The following PGM5 variants were observed in gnomAD, a reference collection of about 807,000 sequenced individuals.
PGM5 encodes phosphoglucomutase-like protein 5.
Under a neutral mutation model 59.2 loss-of-function variants are expected in PGM5, and 23 were observed. The observed-to-expected ratio is 0.39, with a 90% CI of 0.28 to 0.55. The LOEUF (loss-of-function observed/expected upper bound fraction) is 0.55. PGM5 is among the 20% of genes least tolerant of loss of function. The pLI, the probability that PGM5 is intolerant of heterozygous loss-of-function variation, is 0.66. For synonymous variants in PGM5, 214 were observed against 286.0 expected, an observed-to-expected ratio of 0.75 and a Z score of 2.54; for missense variants, 574 against 748.3, an observed-to-expected ratio of 0.77 and a Z score of 2.72.
At chr9:68,529,518 A>T in intron 10 of PGM5, 49 bp from the exon 11 acceptor site, 1 of 1,363,098 alleles carries the variant, frequency 7.3e-7, no homozygotes, top group Non-Finnish European at 1.0e-6. Flanking sequence ...GAATGCCCCA[A>T]AATGTAACTG....
chr9:68,436,097 A>C (rs1303393039), intron 6 of PGM5, among the ~76,000 whole-genome samples: 1 of 152,122 alleles, frequency 6.6e-6, no homozygotes, highest in Non-Finnish European at 1.5e-5. Flanking sequence ...TAACCCGGAG[A>C]CCCACCTGCC....
chr9:68,512,745 T>A (rs140367432), intron 10 of PGM5, among the ~76,000 whole-genome samples: 1 of 152,330 alleles, frequency 6.6e-6, no homozygotes, highest in Non-Finnish European at 1.5e-5. Context: ...TATTGGCAAT[T>A]AGGACCTCAA....
intron 1 of PGM5, chr9:68,371,763 G>T (rs1230398190): frequency 6.6e-6 from 1 of 152,110 alleles, no homozygotes; most frequent in Non-Finnish European, 1.5e-5. Context: ...TCAATGACTA[G>T]ATCTTGAAAG....
intron 1 of PGM5, among the ~76,000 whole-genome samples, chr9:68,360,127 C>A (rs2131969433): frequency 6.6e-6 from 1 of 152,128 alleles, no homozygotes; most frequent in South Asian, 2.1e-4. Flanking sequence ...ACCACCATGC[C>A]CAGCCTACAA....
chr9:68,477,358 A>G (rs2132088078), intron 7 of PGM5, among the ~76,000 whole-genome samples: 2 of 152,384 alleles, frequency 1.3e-5, no homozygotes, highest in South Asian at 4.1e-4. Flanking sequence ...ATTTAACACC[A>G]TAAATGTCAC....
chr9:68,489,118 G>T (rs1399562795), intron 9 of PGM5, among the ~76,000 whole-genome samples: 2 of 152,146 alleles, frequency 1.3e-5, no homozygotes, highest in Non-Finnish European at 2.9e-5. Context: ...TATCAAGATT[G>T]TCTCTTACTA....
intron 6 of PGM5, among the ~76,000 whole-genome samples, chr9:68,451,317 C>G (rs1170601071): frequency 6.6e-6 from 1 of 152,180 alleles, no homozygotes; most frequent in Non-Finnish European, 1.5e-5. Flanking sequence ...ATTTAATATT[C>G]AAGAAATCAC....
intron 1 of PGM5, among the ~76,000 whole-genome samples, chr9:68,376,839 C>CTCTTTCTTTCTTTCT (rs1821921412): frequency 3.0e-5 from 4 of 131,854 alleles, no homozygotes; most frequent in Non-Finnish European, 6.5e-5. Context: ...CTTTCTCTTT[C>CTCTTTCTTTCTTTCT]TTTCTTTCTT....
intron 6 of PGM5, among the ~76,000 whole-genome samples, chr9:68,447,257 T>C (rs963157137): frequency 6.6e-6 from 1 of 152,234 alleles, no homozygotes; most frequent in Non-Finnish European, 1.5e-5. Flanking sequence ...TTCTGACTTT[T>C]AGTGAAAATT....
chr9:68,379,005 G>C (rs1207536768), intron 2 of PGM5, among the ~76,000 whole-genome samples: 3 of 151,984 alleles, frequency 2.0e-5, no homozygotes, highest in African/African-American at 7.3e-5. Context: ...TTTTTCTGAA[G>C]AATTTTAAAG....
intron 6 of PGM5, among the ~76,000 whole-genome samples, chr9:68,418,729 C>T (rs1823078596): frequency 6.6e-6 from 1 of 151,982 alleles, no homozygotes; most frequent in Non-Finnish European, 1.5e-5. Flanking sequence ...TATCAGCTGG[C>T]TGCGGCGGGG....
chr9:68,468,850 A>T (rs1823978377), intron 7 of PGM5, among the ~76,000 whole-genome samples: 1 of 152,176 alleles, frequency 6.6e-6, no homozygotes, highest in Non-Finnish European at 1.5e-5. Context: ...CATTGCTAGG[A>T]TGGGAATAGC....
intron 7 of PGM5, among the ~76,000 whole-genome samples, chr9:68,471,617 A>AT (rs1242241394): frequency 2.0e-4 from 27 of 132,312 alleles, no homozygotes; most frequent in African/African-American, 7.7e-4. Flanking sequence ...CCTGTCTCTT[A>AT]AAAAAAAAAA....
At chr9:68,439,692 C>T (rs1005679557) in intron 6 of PGM5, among the ~76,000 whole-genome samples, 4 of 146,272 alleles carry the variant, frequency 2.7e-5, no homozygotes, top group East Asian at 2.0e-4. Flanking sequence ...CACATGCACA[C>T]ATATATATAT....
chr9:68,410,558 T>TGAGGAG (rs574549509), intron 6 of PGM5, among the ~76,000 whole-genome samples: 25 of 151,728 alleles, frequency 1.6e-4, no homozygotes, highest in Non-Finnish European at 2.4e-4. Context: ...AGGATGATGA[T>TGAGGAG]GAGGAGGAGG....
chr9:68,481,313 G>T (rs1824192970), intron 8 of PGM5, among the ~76,000 whole-genome samples: 1 of 152,176 alleles, frequency 6.6e-6, no homozygotes, highest in African/African-American at 2.4e-5. Context: ...AGAAAGCTGG[G>T]GATGTGATAG....
intron 10 of PGM5, among the ~76,000 whole-genome samples, chr9:68,520,176 C>T (rs538913186): frequency 6.7e-5 from 10 of 149,538 alleles, no homozygotes; most frequent in East Asian, 2.0e-4. Context: ...AGTTAAAAGA[C>T]GGAAAAAGAT....
chr9:68,479,511 T>C lies in PGM5; in HGVS notation c.1253T>C (p.Val418Ala). 1 of 1,614,022 alleles carries C rather than the reference T, an allele frequency of 6.2e-7. No individual in the cohort carries two copies. The highest frequency in any genetic ancestry group is 1.1e-5 in the South Asian group (1 of 91,072). ...CGGAAGCAGAGTGTGGAGGAAATTGTCCGAGATCACTGGGCCAAATTTGGC... is the reference window on the plus strand; with the variant it reads ...CGGAAGCAGAGTGTGGAGGAAATTGCCCGAGATCACTGGGCCAAATTTGGC... ...AARKQSVEEI[V>A]RDHWAKFGRH... The change falls in exon 8 of 11, where the codon GTC becomes GCC. Residue 418 changes from valine (V) to alanine (A), a missense_variant. Val to Ala is a moderately conservative substitution (Grantham distance 64). Around this residue, in one of 7 missense-constraint regions of PGM5, gnomAD observed 300 missense variants for 280.0 expected, o/e 1.07. Coordinates refer to ENST00000396396, the MANE Select transcript of PGM5 (RefSeq NM_021965.4).
intron 6 of PGM5, among the ~76,000 whole-genome samples, chr9:68,428,096 C>T (rs77288601): frequency 0.05 from 7,601 of 152,212 alleles, 453 homozygotes; most frequent in African/African-American, 0.14. Context: ...TGTGGTACAA[C>T]CATATGTTCA....
Sources: gnomAD v4.1 joint callset for allele counts (sites outside exome capture counted in the v4.1 genomes callset) on GRCh38, gnomAD v4.1.1 for gene constraint, gnomAD v4.1.1 regional missense constraint, MANE v1.5 for transcripts, NCBI Gene and HGNC (gene_info 2026-07-23, HGNC 2026-07-21) for gene names.